EPHA6: variants seen among roughly 807,000 people sequenced by gnomAD.
EPHA6 encodes ephrin type-A receptor 6.
EPHA6 carries 50 observed loss-of-function variants against 112.0 expected under a neutral mutation model. That is an observed-to-expected ratio of 0.45 (90% CI 0.36 to 0.56). The LOEUF is 0.56. EPHA6 is among the 20% of genes least tolerant of loss of function. The pLI is 0.00. For missense variants in EPHA6, 1,280 were observed against 1,417.4 expected (o/e 0.90, Z 1.56); for synonymous variants, 529 against 490.7 (o/e 1.08, Z -1.03).
intron 9 of EPHA6, among the ~76,000 whole-genome samples, chr3:97,482,465 T>C (rs369235538): frequency 6.6e-6 from 1 of 152,228 alleles, no homozygotes; most frequent in East Asian, 1.9e-4. Context: ...AAGGAAAGCA[T>C]GACATGTTAA....
intron 14 of EPHA6, among the ~76,000 whole-genome samples, chr3:97,706,103 T>G (rs949087256): frequency 6.6e-6 from 1 of 152,212 alleles, no homozygotes; most frequent in Non-Finnish European, 1.5e-5. Context: ...GCAAGTAAAA[T>G]TAGACCTTTC....
intron 3 of EPHA6, among the ~76,000 whole-genome samples, chr3:97,088,476 T>C (rs2046970529): frequency 6.6e-6 from 1 of 152,132 alleles, no homozygotes; most frequent in South Asian, 2.1e-4. Context: ...CTCAAGTCTG[T>C]GGGTTCTCTG....
At chr3:97,481,630 C>T in intron 9 of EPHA6, 1 of 445,512 alleles carries the variant, frequency 2.2e-6, no homozygotes, top group Non-Finnish European at 4.2e-6. Flanking sequence ...CTCCCTAGGC[C>T]CGCCGCTTGG....
chr3:97,125,515 G>A (rs536313416), intron 3 of EPHA6, among the ~76,000 whole-genome samples: 1 of 152,230 alleles, frequency 6.6e-6, no homozygotes, highest in East Asian at 1.9e-4. Flanking sequence ...AATAAGTGCA[G>A]ATATTTATTG....
At chr3:97,405,306 A>ACATATATATG in intron 6 of EPHA6, 32 bp downstream of exon 6, 1 of 1,567,496 alleles carries the variant, frequency 6.4e-7, no homozygotes, top group Non-Finnish European at 8.8e-7. Flanking sequence ...CTATAAAACT[A>ACATATATATG]CATATATATG....
chr3:97,087,514 G>A lies in EPHA6; in HGVS notation c.1114+99521G>A, dbSNP rs140154680. ...GGCACTTTTTGCCCTTAACAAAAGG[G>A]AAAGGGCCACTAGCTAGGCAGGTGG... On this transcript the variant is annotated intron_variant, in intron 3 of 17. Transcript: ENST00000389672. Among the ~76,000 whole-genome samples the A allele has an allele frequency of 2.8e-3, 423 of 152,252 alleles. 3 individuals are homozygous for A. Among genetic ancestry groups the A allele is most frequent in the African/African-American group, 9.7e-3 (405 of 41,556 alleles).
chr3:97,374,540 G>C (rs902109442), intron 5 of EPHA6, among the ~76,000 whole-genome samples: 1 of 152,018 alleles, frequency 6.6e-6, no homozygotes, highest in Non-Finnish European at 1.5e-5. Flanking sequence ...TGTTATAAGG[G>C]TATATTGCAT....
At chr3:97,054,397 A>T (rs1042540612) in intron 3 of EPHA6, among the ~76,000 whole-genome samples, 3 of 152,148 alleles carry the variant, frequency 2.0e-5, no homozygotes, top group Admixed American at 6.6e-5. Context: ...ACTACTGAAA[A>T]TGAATATTAG....
At chr3:97,698,200 C>T (rs2033159156) in intron 14 of EPHA6, among the ~76,000 whole-genome samples, 1 of 152,146 alleles carries the variant, frequency 6.6e-6, no homozygotes, top group African/African-American at 2.4e-5. Context: ...TGGGGTTTCT[C>T]CATGTTGGTC....
At chr3:97,254,319 G>C (rs1465963594) in intron 5 of EPHA6, among the ~76,000 whole-genome samples, 1 of 152,138 alleles carries the variant, frequency 6.6e-6, no homozygotes, top group African/African-American at 2.4e-5. Flanking sequence ...CTCCCAAGTA[G>C]CTGGGACTAT....
chr3:97,595,367 G>A (rs1388970839), intron 12 of EPHA6, among the ~76,000 whole-genome samples: 1 of 152,184 alleles, frequency 6.6e-6, no homozygotes, highest in African/African-American at 2.4e-5. Flanking sequence ...CAGAAGGCCA[G>A]GCGCGGTGGC....
At chr3:97,335,427 A>G (rs1394414778) in intron 5 of EPHA6, among the ~76,000 whole-genome samples, 2 of 152,216 alleles carry the variant, frequency 1.3e-5, no homozygotes, top group East Asian at 3.9e-4. Context: ...CTACAGCAGC[A>G]CAAATGAACT....
chr3:97,242,007 G>C (rs1030799571), intron 4 of EPHA6, among the ~76,000 whole-genome samples: 1 of 151,488 alleles, frequency 6.6e-6, no homozygotes, highest in African/African-American at 2.4e-5. Context: ...AAAAAGCTAC[G>C]TTTATCCCTG....
chr3:97,008,225 T>A (rs1234292521), intron 3 of EPHA6, among the ~76,000 whole-genome samples: 1 of 152,194 alleles, frequency 6.6e-6, no homozygotes, highest in Non-Finnish European at 1.5e-5. Context: ...ATTCTCCCTG[T>A]CTCCTTCTGG....
At chr3:96,854,409 ACTTTATTAAGAGATTTTTCTAT>A (rs2035576121) in intron 1 of EPHA6, among the ~76,000 whole-genome samples, 1 of 151,880 alleles carries the variant, frequency 6.6e-6, no homozygotes, top group Admixed American at 6.6e-5. Context: ...CAATCCGTTG[ACTTTATTAAGAGATTTTTCTAT>A]AAGCCTGAAA....
chr3:97,353,096 A>T (rs1482682760), intron 5 of EPHA6, among the ~76,000 whole-genome samples: 7 of 152,028 alleles, frequency 4.6e-5, no homozygotes, highest in Non-Finnish European at 7.4e-5. Flanking sequence ...GGTGGGATTC[A>T]TCACCTGACT....
chr3:97,572,108 G>T (rs1259884906), intron 11 of EPHA6, among the ~76,000 whole-genome samples: 1 of 148,698 alleles, frequency 6.7e-6, no homozygotes, highest in African/African-American at 2.5e-5. Flanking sequence ...ATGTTGTTCT[G>T]ATTAATGCCA....
intron 3 of EPHA6, among the ~76,000 whole-genome samples, chr3:97,185,298 A>T (rs1290610212): frequency 6.6e-6 from 1 of 152,104 alleles, no homozygotes; most frequent in Non-Finnish European, 1.5e-5. Flanking sequence ...ATGGGAGAAA[A>T]TTTTTGCAAT....
chr3:97,560,874 C>T (rs1300997475), intron 11 of EPHA6, among the ~76,000 whole-genome samples: 3 of 152,000 alleles, frequency 2.0e-5, no homozygotes, highest in African/African-American at 7.2e-5. Context: ...ATTTTTTCAA[C>T]AGTATGCACT....
Sources: gnomAD v4.1 joint callset for allele counts (sites outside exome capture counted in the v4.1 genomes callset) on GRCh38, gnomAD v4.1.1 for gene constraint, MANE v1.5 for transcripts, NCBI Gene and HGNC (gene_info 2026-07-23, HGNC 2026-07-21) for gene names.